The following EPHA4 variants were observed in gnomAD, a reference collection of about 807,000 sequenced individuals.
The protein encoded by EPHA4 is ephrin type-A receptor 4.
In EPHA4, 19 loss-of-function variants were observed where a neutral mutation model predicts 108.3. The ratio of observed to expected loss-of-function variants is 0.18; its 90% confidence interval spans 0.12 to 0.26. The LOEUF (loss-of-function observed/expected upper bound fraction) is 0.26. EPHA4 is among the 10% of genes least tolerant of loss of function. EPHA4 has a pLI of 1.00. For synonymous variants in EPHA4, 449 were observed against 455.5 expected, an observed-to-expected ratio of 0.99 and a Z score of 0.18; for missense variants, 917 against 1,254.0, an observed-to-expected ratio of 0.73 and a Z score of 4.06.
Position 221,430,147 on chromosome 2 carries a change from A to G in EPHA4, c.2501T>C (p.Ile834Thr). 6.2e-7 allele frequency: 1 copy of G among 1,607,362 alleles called. No homozygotes were observed. The highest frequency in any genetic ancestry group is 2.2e-5 in the East Asian group (1 of 44,570). The part of the protein sequence containing the change: ...PYWDMSNQDV[I>T]KAIEEGYRLP... ...CCGATAGCCTTCCTCAATGGCTTTAATCACCTATGGAAGACAACAGGATGG... is the reference window on the plus strand; with the variant it reads ...CCGATAGCCTTCCTCAATGGCTTTAGTCACCTATGGAAGACAACAGGATGG... Residue 834 changes from isoleucine (I) to threonine (T), a missense_variant, in exon 15 of 18, where the codon ATT (isoleucine) becomes ACT (threonine). By Grantham distance (89) the Ile-to-Thr change is moderately conservative. Coordinates refer to ENST00000281821, the MANE Select transcript of EPHA4 (RefSeq NM_004438.5).
Position 221,430,019 on chromosome 2 carries a change from T to G in EPHA4, c.2629A>C (p.Met877Leu). 2 of 1,614,096 alleles carry G rather than the reference T, an allele frequency of 1.2e-6. No individual in the cohort carries two copies. Among genetic ancestry groups the G allele is most frequent in the Admixed American group, 1.7e-5 (1 of 60,018 alleles). ...GGGTTGCGGATGAGTTTGTCCAACATGTTGACAATCTGCCCAAATTTAGGC... is the reference window on the plus strand; with the variant it reads ...GGGTTGCGGATGAGTTTGTCCAACAGGTTGACAATCTGCCCAAATTTAGGC... ...DRPKFGQIVN[M>L]LDKLIRNPNS... is the part of the protein sequence containing the mutation. Residue 877 changes from methionine to leucine, a missense_variant, in exon 15 of 18, where the codon ATG becomes CTG. Around this residue, in one of 3 missense-constraint regions of EPHA4, gnomAD observed 133 missense variants for 132.8 expected, o/e 1.00. Coordinates refer to ENST00000281821, the MANE Select transcript of EPHA4 (RefSeq NM_004438.5).
intron 2 of EPHA4, among the ~76,000 whole-genome samples, chr2:221,566,936 AG>A (rs1694673719): frequency 1.7e-5 from 1 of 57,630 alleles, no homozygotes; most frequent in Non-Finnish European, 3.1e-5. Flanking sequence ...GAGAAGGAGA[AG>A]GAGAAGGAGA....
chr2:221,566,848 GAGA>G (rs200915989), intron 2 of EPHA4, among the ~76,000 whole-genome samples: 761 of 39,192 alleles, frequency 0.019, 41 homozygotes, highest in East Asian at 0.038. Flanking sequence ...GAAGGAGAAG[GAGA>G]AGGAGAAGAA....
At chr2:221,555,036 C>T (rs2106201662) in intron 3 of EPHA4, among the ~76,000 whole-genome samples, 1 of 152,294 alleles carries the variant, frequency 6.6e-6, no homozygotes, top group East Asian at 1.9e-4. Flanking sequence ...CTGAAGCTGT[C>T]ACTAAACAGA....
intron 3 of EPHA4, among the ~76,000 whole-genome samples, chr2:221,501,712 C>G (rs1692493845): frequency 6.6e-6 from 1 of 151,998 alleles, no homozygotes. Flanking sequence ...GGAAGTGTAT[C>G]CAAGTGCTGA....
At chr2:221,538,932 A>G (rs1214335252) in intron 3 of EPHA4, among the ~76,000 whole-genome samples, 3 of 152,214 alleles carry the variant, frequency 2.0e-5, no homozygotes, top group African/African-American at 7.2e-5. Context: ...TTTAGGTGCT[A>G]TAGTGAATGC....
At chr2:221,461,597 G>A (rs1456425458) in intron 5 of EPHA4, among the ~76,000 whole-genome samples, 3 of 151,954 alleles carry the variant, frequency 2.0e-5, no homozygotes, top group South Asian at 2.1e-4. Flanking sequence ...ACATCAACTC[G>A]GCCACTAGAC....
At chr2:221,504,653 G>C (rs954564965) in intron 3 of EPHA4, among the ~76,000 whole-genome samples, 1 of 151,958 alleles carries the variant, frequency 6.6e-6, no homozygotes, top group Non-Finnish European at 1.5e-5. Flanking sequence ...CTAAATTAGT[G>C]CCTAAGAGTA....
chr2:221,455,655 G>C lies in EPHA4; in HGVS notation c.1607C>G (p.Pro536Arg), dbSNP rs752604578. Residue 536 changes from proline to arginine, a missense_variant, in exon 8 of 18, where the codon CCT (proline) becomes CGT (arginine). Transcript: ENST00000281821. ...EPLEVTTNTV[P>R]SRIIGDGANS... ...AGCCCCATCTCCAATGATCCGGGAA[G>C]GCACTGGGAATGACAATTGCATAAG... 26 of 1,612,366 alleles carry C rather than the reference G, an allele frequency of 1.6e-5. No homozygotes were observed. Among genetic ancestry groups the C allele is most frequent in the Non-Finnish European group, 2.0e-5 (24 of 1,178,654 alleles).
chr2:221,528,093 A>G (rs1474111411), intron 3 of EPHA4, among the ~76,000 whole-genome samples: 1 of 150,918 alleles, frequency 6.6e-6, no homozygotes, highest in Admixed American at 6.6e-5. Context: ...TGTTTAAAAC[A>G]TAGAGTTATG....
intron 5 of EPHA4, among the ~76,000 whole-genome samples, chr2:221,471,542 A>C (rs1160094122): frequency 6.6e-6 from 1 of 152,234 alleles, no homozygotes; most frequent in South Asian, 2.1e-4. Flanking sequence ...AGGTAGAGGA[A>C]AAAGAAGTGG....
In EPHA4 at chr2:221,446,206, G is replaced by A. The variant is rs757244239; in HGVS notation, c.1716-25C>T. On this transcript the variant is annotated intron_variant, in intron 8 of 17. Transcript: ENST00000281821. ...TCTATTAAAATTTTTTTAAAAAAGA[G>A]AATTATTTTCCTCAAACACCTAAGC... 19 of 1,434,502 alleles carry A rather than the reference G, an allele frequency of 1.3e-5. No homozygotes were observed. The African/African-American group carries it at 2.8e-4, about 21-fold the overall frequency. The allele number at this position is 1,434,502 out of a possible 1,614,324, so 88.9% of individuals were successfully genotyped here.
Position 221,566,872 on chromosome 2 carries a change from A to AAGAAGGAGAAGGAGAAGGAGAAGG in EPHA4, c.159+1822_159+1845dup, listed in dbSNP as rs1156604295. ...GGAGAAGGAGAAGAAGAAGAAGAAG[A>AAGAAGGAGAAGGAGAAGGAGAAGG]AGAAGGAGAAGGAGAAGGAGAAGGA... On this transcript the variant is annotated intron_variant, in intron 2 of 17. Transcript: ENST00000281821. 8.6e-3 allele frequency among the ~76,000 whole-genome samples: 359 copies of AAGAAGGAGAAGGAGAAGGAGAAGG among 41,552 alleles called. 31 individuals are homozygous for AAGAAGGAGAAGGAGAAGGAGAAGG. The highest frequency in any genetic ancestry group is 0.054 in the Middle Eastern group (5 of 92). The allele number at this position is 41,552 out of a possible 152,430, so 27.3% of individuals were successfully genotyped here.
chr2:221,453,643 G>A (rs116062966), intron 8 of EPHA4, among the ~76,000 whole-genome samples: 13 of 152,116 alleles, frequency 8.5e-5, no homozygotes, highest in Admixed American at 3.9e-4. Context: ...ATATGTTTTT[G>A]TATGTGTGTG....
chr2:221,523,892 A>G (rs1693247049), intron 3 of EPHA4, among the ~76,000 whole-genome samples: 1 of 152,184 alleles, frequency 6.6e-6, no homozygotes, highest in Non-Finnish European at 1.5e-5. Context: ...GGCCCTCAGT[A>G]GAATATTTTT....
intron 5 of EPHA4, among the ~76,000 whole-genome samples, chr2:221,464,592 C>T (rs1172378228): frequency 6.6e-6 from 1 of 152,190 alleles, no homozygotes; most frequent in Non-Finnish European, 1.5e-5. Context: ...TTCTTACTAT[C>T]ATCATTACAG....
At chr2:221,533,725 C>CAAAAAA (rs144676444) in intron 3 of EPHA4, among the ~76,000 whole-genome samples, 1 of 63,482 alleles carries the variant, frequency 1.6e-5, no homozygotes, top group African/African-American at 6.2e-5. Context: ...TGACTAGTGT[C>CAAAAAA]AAAAAAAAAA....
intron 3 of EPHA4, among the ~76,000 whole-genome samples, chr2:221,545,447 C>T (rs533672960): frequency 2.4e-4 from 36 of 152,000 alleles, no homozygotes; most frequent in East Asian, 7.8e-4. Context: ...CCAGCCTGGG[C>T]GACAGAGCAA....
intron 9 of EPHA4, among the ~76,000 whole-genome samples, chr2:221,443,968 A>G (rs1690510774): frequency 1.3e-5 from 2 of 152,240 alleles, no homozygotes; most frequent in African/African-American, 2.4e-5. Context: ...ACTTTCAGTT[A>G]TCCTCCCTTA....
Sources: allele counts gnomAD v4.1 joint callset (sites outside exome capture counted in the v4.1 genomes callset), GRCh38; gene constraint gnomAD v4.1.1; regional missense constraint gnomAD v4.1.1; transcripts MANE v1.5; gene names NCBI Gene and HGNC (gene_info 2026-07-23, HGNC 2026-07-21).